Variants in MED13 observed in about 807,000 individuals in gnomAD.
MED13 encodes the protein mediator complex subunit 13, also known as mediator of RNA polymerase II transcription subunit 13.
A neutral mutation model predicts 225.2 loss-of-function variants in MED13; 23 were observed. The ratio of observed to expected loss-of-function variants is 0.10; its 90% CI spans 0.07 to 0.14. The LOEUF is 0.14. Ranked by LOEUF, MED13 falls within the 10% of genes least tolerant of loss-of-function variation. The pLI is 1.00. For synonymous variants in MED13, 942 were observed against 889.2 expected, an observed-to-expected ratio of 1.06 and a Z score of -1.06; for missense variants, 2,197 against 2,594.5, an observed-to-expected ratio of 0.85 and a Z score of 3.33.
At chr17:62,003,184 T>C (rs1209994088) in intron 9 of MED13, among the ~76,000 whole-genome samples, 2 of 125,672 alleles carry the variant, frequency 1.6e-5, no homozygotes, top group Admixed American at 7.2e-5. Context: ...CTACCAACTA[T>C]AGAACAATTT....
intron 8 of MED13, among the ~76,000 whole-genome samples, chr17:62,016,178 CAAA>C (rs1183131332): frequency 7.3e-5 from 10 of 136,460 alleles, no homozygotes; most frequent in Non-Finnish European, 1.3e-4. Flanking sequence ...AGAACAACAA[CAAA>C]AAAAAAAACC....
At chr17:62,002,489 C>CAAAAAAAAAAAAAAAAAAAAACCAACAA (rs35736875) in intron 9 of MED13, among the ~76,000 whole-genome samples, 1 of 50,638 alleles carries the variant, frequency 2.0e-5, no homozygotes, top group African/African-American at 5.0e-5. Flanking sequence ...AACTCCATCT[C>CAAAAAAAAAAAAAAAAAAAAACCAACAA]AAAAAAAAAA....
chr17:61,951,933 T>C (rs2079900227), intron 27 of MED13, among the ~76,000 whole-genome samples: 1 of 152,214 alleles, frequency 6.6e-6, no homozygotes, highest in African/African-American at 2.4e-5. Context: ...AGTCTCGCTC[T>C]GTCGCTTAGG....
At chr17:62,064,003 T>C (rs1462307851) in intron 1 of MED13, among the ~76,000 whole-genome samples, 1 of 152,180 alleles carries the variant, frequency 6.6e-6, no homozygotes, top group African/African-American at 2.4e-5. Context: ...AGATCTCAAT[T>C]TAGCATGGGC....
chr17:62,012,015 G>A (rs550931240), intron 8 of MED13, among the ~76,000 whole-genome samples: 1 of 152,022 alleles, frequency 6.6e-6, no homozygotes, highest in Non-Finnish European at 1.5e-5. Context: ...TGAGGAGTTC[G>A]AGACCAGCTT....
At chr17:61,971,127 T>G (rs1030340133) in intron 17 of MED13, among the ~76,000 whole-genome samples, 1 of 152,130 alleles carries the variant, frequency 6.6e-6, no homozygotes, top group Non-Finnish European at 1.5e-5. Flanking sequence ...AATTTGTATG[T>G]TCATAAACAC....
At chr17:62,028,466 A>C (rs1349094624) in intron 8 of MED13, among the ~76,000 whole-genome samples, 1 of 152,192 alleles carries the variant, frequency 6.6e-6, no homozygotes, top group African/African-American at 2.4e-5. Context: ...TCTGAGTGAC[A>C]AAATAATCTA....
chr17:62,044,245 T>A (rs1326421465), intron 3 of MED13, among the ~76,000 whole-genome samples: 1 of 151,164 alleles, frequency 6.6e-6, no homozygotes, highest in Non-Finnish European at 1.5e-5. Context: ...AAAAAAAAAA[T>A]CGATGAATTT....
At chr17:62,012,528 C>T (rs1381763247) in intron 8 of MED13, among the ~76,000 whole-genome samples, 1 of 151,586 alleles carries the variant, frequency 6.6e-6, no homozygotes, top group Non-Finnish European at 1.5e-5. Context: ...CGGGGTTTTT[C>T]CATGTTGGTC....
chr17:62,033,705 G>A, intron 5 of MED13, 82 bp downstream of exon 5: 1 of 1,313,830 alleles, frequency 7.6e-7, no homozygotes, highest in South Asian at 1.4e-5. Context: ...TGAGTTATTA[G>A]ACTTGTTTGT....
intron 16 of MED13, among the ~76,000 whole-genome samples, chr17:61,978,970 T>G (rs980832956): frequency 3.3e-5 from 5 of 152,178 alleles, no homozygotes; most frequent in Admixed American, 2.6e-4. Context: ...AACTAGAACA[T>G]TACCAAAAAC....
chr17:61,957,970 T>C (rs941333586), intron 23 of MED13, among the ~76,000 whole-genome samples: 3 of 152,002 alleles, frequency 2.0e-5, no homozygotes, highest in African/African-American at 7.2e-5. Flanking sequence ...TTTCACGCCA[T>C]TCTCCTGCCT....
intron 17 of MED13, among the ~76,000 whole-genome samples, 192 bp from the exon 18 acceptor site, chr17:61,968,450 T>C (rs1455809285): frequency 2.6e-5 from 4 of 152,150 alleles, no homozygotes; most frequent in Non-Finnish European, 5.9e-5. Context: ...CTCAGCCTCC[T>C]GAGTAGCTGG....
chr17:62,037,380 A>T (rs1288217277), intron 3 of MED13, among the ~76,000 whole-genome samples: 1 of 152,020 alleles, frequency 6.6e-6, no homozygotes, highest in Non-Finnish European at 1.5e-5. Context: ...AAGCAGTGAC[A>T]ATGGCTGGGA....
chr17:62,064,899 G>A (rs986266404), intron 1 of MED13, among the ~76,000 whole-genome samples: 3 of 152,234 alleles, frequency 2.0e-5, no homozygotes, highest in African/African-American at 7.2e-5. Flanking sequence ...AGACTACGGT[G>A]AGAAGGAGAG....
intron 11 of MED13, among the ~76,000 whole-genome samples, chr17:61,987,745 T>C (rs1169777939): frequency 6.6e-6 from 1 of 152,028 alleles, no homozygotes; most frequent in African/African-American, 2.4e-5. Flanking sequence ...TACACATACT[T>C]GTAATTTTTT....
At chr17:61,959,576 CAAT>C (rs1381402094) in intron 23 of MED13, among the ~76,000 whole-genome samples, 1 of 151,822 alleles carries the variant, frequency 6.6e-6, no homozygotes, top group African/African-American at 2.4e-5. Flanking sequence ...TGTTTATAAT[CAAT>C]AATATAAAAT....
At chr17:62,062,965 A>G (rs1603410926) in intron 2 of MED13, 102 bp downstream of exon 2, 6 of 783,084 alleles carry the variant, frequency 7.7e-6, no homozygotes, top group Non-Finnish European at 1.0e-5. Context: ...TGGCCTCCTA[A>G]GTCTCCCACA....
At chr17:61,974,062 A>G (rs2080132273) in intron 16 of MED13, among the ~76,000 whole-genome samples, 1 of 152,176 alleles carries the variant, frequency 6.6e-6, no homozygotes, top group Non-Finnish European at 1.5e-5. Context: ...CTTAATATGT[A>G]ATATGCTTAA....
Sources: allele counts gnomAD v4.1 joint callset (sites outside exome capture counted in the v4.1 genomes callset), GRCh38; gene constraint gnomAD v4.1.1; transcripts MANE v1.5; gene names NCBI Gene and HGNC (gene_info 2026-07-23, HGNC 2026-07-21).